AUTS2: variants seen among roughly 807,000 people sequenced by gnomAD.
AUTS2 encodes the protein activator of transcription and developmental regulator AUTS2.
A neutral mutation model predicts 112.4 loss-of-function variants in AUTS2; 17 were observed. That is an observed-to-expected ratio of 0.15 (90% CI 0.10 to 0.23). AUTS2 has a LOEUF of 0.23. Among genes scored for constraint, AUTS2 ranks in the 10% least tolerant of loss-of-function variants. AUTS2 has a pLI of 1.00. For synonymous variants in AUTS2, 751 were observed against 702.7 expected, an observed-to-expected ratio of 1.07 and a Z score of -1.09; for missense variants, 1,510 against 1,701.6, an observed-to-expected ratio of 0.89 and a Z score of 1.98.
chr7:70,032,382 A>G (rs1397625004), intron 2 of AUTS2, among the ~76,000 whole-genome samples: 1 of 152,174 alleles, frequency 6.6e-6, no homozygotes, highest in African/African-American at 2.4e-5. Flanking sequence ...GGACTATTTC[A>G]ATGGCTGAGG....
At chr7:70,284,920 C>T (rs1788386429) in intron 4 of AUTS2, among the ~76,000 whole-genome samples, 1 of 152,170 alleles carries the variant, frequency 6.6e-6, no homozygotes, top group South Asian at 2.1e-4. Flanking sequence ...TTCTGAGATG[C>T]AGGGATTTGA....
intron 2 of AUTS2, among the ~76,000 whole-genome samples, chr7:69,938,111 C>T (rs1209077689): frequency 6.6e-6 from 1 of 152,156 alleles, no homozygotes; most frequent in East Asian, 1.9e-4. Flanking sequence ...AAAGCCCTTC[C>T]TTGAACTCAT....
intron 5 of AUTS2, among the ~76,000 whole-genome samples, chr7:70,627,556 C>T (rs1030949508): frequency 6.6e-6 from 1 of 152,226 alleles, no homozygotes; most frequent in East Asian, 1.9e-4. Flanking sequence ...TCAGCACCAG[C>T]TCATTATTCC....
At chr7:70,344,734 G>A (rs531148268) in intron 4 of AUTS2, among the ~76,000 whole-genome samples, 2 of 152,140 alleles carry the variant, frequency 1.3e-5, no homozygotes, top group Non-Finnish European at 2.9e-5. Context: ...ACCCCATCCT[G>A]CAAAACCATT....
intron 1 of AUTS2, among the ~76,000 whole-genome samples, chr7:69,886,763 TTGTGTGTGTGTGTGTGTG>T (rs3220664): frequency 1.4e-4 from 18 of 129,870 alleles, no homozygotes; most frequent in East Asian, 1.4e-3. Flanking sequence ...TTTGACTTCT[TTGTGTGTGTGTGTGTGTG>T]TGTGTGTGTG....
intron 4 of AUTS2, among the ~76,000 whole-genome samples, chr7:70,381,996 G>A (rs1793387651): frequency 6.6e-6 from 1 of 152,150 alleles, no homozygotes; most frequent in Non-Finnish European, 1.5e-5. Context: ...CACTCACAGA[G>A]CTTACTTTCT....
chr7:70,631,342 C>T lies in AUTS2; in HGVS notation c.691-67227C>T, dbSNP rs1365475857. ...AAGAGAACACCAGGGCAGGGGCTGG[C>T]GACTGGCGGCGGGGAAGCATGTGCA... On this transcript the variant is annotated intron_variant, in intron 5 of 18. Transcript: ENST00000342771. The surrounding 1 kb of genome is among the most constrained non-coding windows in gnomAD (Gnocchi z 4.5). Among the ~76,000 whole-genome samples, 3 of 152,110 alleles carry T rather than the reference C, an allele frequency of 2.0e-5. No individual in the cohort carries two copies. Among genetic ancestry groups the T allele is most frequent in the Admixed American group, 6.6e-5 (1 of 15,262 alleles).
chr7:70,155,074 G>A (rs981437765), intron 4 of AUTS2, among the ~76,000 whole-genome samples: 3 of 152,062 alleles, frequency 2.0e-5, no homozygotes, highest in African/African-American at 7.2e-5. Flanking sequence ...TATAGGAATG[G>A]GCCTCAAAAT....
chr7:69,667,889 A>G (rs1177918832), intron 1 of AUTS2, among the ~76,000 whole-genome samples: 1 of 152,150 alleles, frequency 6.6e-6, no homozygotes, highest in Non-Finnish European at 1.5e-5. Context: ...TCCATAAAAC[A>G]ATGTGTATAC....
intron 6 of AUTS2, among the ~76,000 whole-genome samples, chr7:70,711,140 C>T (rs901928389): frequency 1.3e-5 from 2 of 152,230 alleles, no homozygotes; most frequent in African/African-American, 4.8e-5. Context: ...CCCCAGAGCA[C>T]ACCTTCGGGT....
At chr7:70,258,923 TCATCC>T (rs1787023058) in intron 4 of AUTS2, among the ~76,000 whole-genome samples, 1 of 152,154 alleles carries the variant, frequency 6.6e-6, no homozygotes, top group Admixed American at 6.5e-5. Flanking sequence ...AAAGGAACCT[TCATCC>T]CATACCTCCA....
chr7:70,291,205 A>T (rs1485521603), intron 4 of AUTS2: 1 of 152,192 alleles, frequency 6.6e-6, no homozygotes, highest in African/African-American at 2.4e-5. Flanking sequence ...TAACTTTTGT[A>T]GTTCCTATGT....
intron 1 of AUTS2, among the ~76,000 whole-genome samples, chr7:69,883,553 C>G (rs772344312): frequency 2.6e-5 from 4 of 152,186 alleles, no homozygotes; most frequent in Non-Finnish European, 4.4e-5. Flanking sequence ...TCACCAGAAT[C>G]TGCTGGTCAT....
chr7:70,116,889 A>C (rs188571806), intron 2 of AUTS2, among the ~76,000 whole-genome samples: 29 of 152,272 alleles, frequency 1.9e-4, no homozygotes, highest in Admixed American at 1.1e-3. Context: ...AAACATTGTC[A>C]AGGGGCTGTG....
chr7:69,832,340 G>T (rs1791539777), intron 1 of AUTS2, among the ~76,000 whole-genome samples: 1 of 152,214 alleles, frequency 6.6e-6, no homozygotes, highest in Admixed American at 6.5e-5. Context: ...GGGAGCCACT[G>T]ATGTACCTAT....
At chr7:70,595,742 A>G (rs1803165320) in intron 5 of AUTS2, among the ~76,000 whole-genome samples, 1 of 152,194 alleles carries the variant, frequency 6.6e-6, no homozygotes, top group Non-Finnish European at 1.5e-5. Flanking sequence ...AAATGGCTTG[A>G]GCCCATTGTC....
At chr7:70,725,365 G>A (rs1786965526) in intron 6 of AUTS2, among the ~76,000 whole-genome samples, 1 of 152,134 alleles carries the variant, frequency 6.6e-6, no homozygotes. Flanking sequence ...TTAAAAGGAT[G>A]CCTTGGGTAG....
chr7:70,150,914 T>A (rs945926192), intron 4 of AUTS2, among the ~76,000 whole-genome samples: 71 of 152,114 alleles, frequency 4.7e-4, no homozygotes, highest in Admixed American at 2.0e-4. Flanking sequence ...ATAAAATACA[T>A]GACACAATGG....
chr7:70,588,711 A>C (rs1724840896), intron 5 of AUTS2, among the ~76,000 whole-genome samples: 1 of 151,788 alleles, frequency 6.6e-6, no homozygotes, highest in African/African-American at 2.4e-5. Flanking sequence ...TTAAACTTTC[A>C]TTTTTCATAA....
Sources: allele counts gnomAD v4.1 joint callset (sites outside exome capture counted in the v4.1 genomes callset), GRCh38; gene constraint gnomAD v4.1.1; non-coding constraint Gnocchi (gnomAD v3.1); transcripts MANE v1.5; gene names NCBI Gene and HGNC (gene_info 2026-07-23, HGNC 2026-07-21).